The following NAALADL2 variants were observed in gnomAD, a reference collection of about 807,000 sequenced individuals.
NAALADL2 encodes inactive N-acetylated-alpha-linked acidic dipeptidase-like protein 2.
A neutral mutation model predicts 87.2 loss-of-function variants in NAALADL2; 76 were observed. The observed-to-expected ratio is 0.87, with a 90% confidence interval of 0.72 to 1.05. NAALADL2 has a LOEUF of 1.05. NAALADL2 is among the 50% of genes least tolerant of loss of function. NAALADL2 has a pLI of 0.00. For missense variants in NAALADL2, 1,089 were observed against 945.8 expected, an observed-to-expected ratio of 1.15 and a Z score of -1.99; for synonymous variants, 354 against 331.0, an observed-to-expected ratio of 1.07 and a Z score of -0.75.
At chr3:175,779,889 C>T (rs567302392) in intron 13 of NAALADL2, among the ~76,000 whole-genome samples, 2 of 152,118 alleles carry the variant, frequency 1.3e-5, no homozygotes, top group Admixed American at 1.3e-4. Flanking sequence ...GATTTTTATT[C>T]CTATCACATG....
At chr3:174,932,349 C>A (rs1009924423) in intron 1 of NAALADL2, among the ~76,000 whole-genome samples, 1 of 152,174 alleles carries the variant, frequency 6.6e-6, no homozygotes. Context: ...ATCAAGACAT[C>A]AACAACAGCA....
intron 11 of NAALADL2, among the ~76,000 whole-genome samples, chr3:175,693,820 T>A (rs1049959076): frequency 1.3e-5 from 2 of 152,004 alleles, no homozygotes; most frequent in South Asian, 2.1e-4. Flanking sequence ...TGCCTCAGCC[T>A]CCCAAGTAGC....
At chr3:174,841,496 T>C (rs1357620942) in intron 3 of NAALADL2, among the ~76,000 whole-genome samples, 1 of 152,176 alleles carries the variant, frequency 6.6e-6, no homozygotes, top group East Asian at 1.9e-4. Flanking sequence ...CATTATTTTT[T>C]CCTTTTTCGA....
rs568909174 is a variant in NAALADL2 at position 174,974,318 on chromosome 3, T to G, written c.43+114868T>G. Among the ~76,000 whole-genome samples the G allele has an allele frequency of 1.1e-3, 160 of 152,334 alleles. 2 individuals are homozygous for G. Among genetic ancestry groups the G allele is most frequent in the African/African-American group, 3.7e-3 (153 of 41,592 alleles). ...AACTCTATGACTTTTAGAGTGAGACTTATACAATTTTCTTTTAATTGTTTT... is the reference window on the plus strand; with the variant it reads ...AACTCTATGACTTTTAGAGTGAGACGTATACAATTTTCTTTTAATTGTTTT... On this transcript the variant is annotated intron_variant, in intron 1 of 13. Coordinates refer to ENST00000454872, the MANE Select transcript of NAALADL2 (RefSeq NM_207015.3).
intron 1 of NAALADL2, among the ~76,000 whole-genome samples, chr3:175,069,260 C>T (rs1406133135): frequency 5.3e-5 from 8 of 149,818 alleles, no homozygotes; most frequent in Middle Eastern, 3.4e-3. Context: ...GCAACCTACT[C>T]ATCTGACAAA....
intron 9 of NAALADL2, among the ~76,000 whole-genome samples, chr3:175,571,736 T>C (rs1718109673): frequency 6.6e-6 from 1 of 152,154 alleles, no homozygotes; most frequent in African/African-American, 2.4e-5. Flanking sequence ...GAGAATAGTG[T>C]TTCTATGCCA....
chr3:174,756,699 G>A (rs924910304), intron 3 of NAALADL2, among the ~76,000 whole-genome samples: 2 of 152,156 alleles, frequency 1.3e-5, no homozygotes, highest in Admixed American at 6.5e-5. Context: ...AGAGAAGTAG[G>A]TGAATTTTGA....
intron 1 of NAALADL2, among the ~76,000 whole-genome samples, chr3:174,957,867 G>A (rs901139161): frequency 6.6e-6 from 1 of 151,918 alleles, no homozygotes; most frequent in Non-Finnish European, 1.5e-5. Flanking sequence ...AGGAAGACCA[G>A]GATTCCATTT....
chr3:174,517,491 G>T (rs1300515572), intron 1 of NAALADL2, among the ~76,000 whole-genome samples: 1 of 151,936 alleles, frequency 6.6e-6, no homozygotes, highest in Non-Finnish European at 1.5e-5. Flanking sequence ...TTGGTATTCT[G>T]TTCTTTCTCT....
At chr3:175,309,747 A>G (rs534656479) in intron 4 of NAALADL2, among the ~76,000 whole-genome samples, 1 of 152,292 alleles carries the variant, frequency 6.6e-6, no homozygotes, top group East Asian at 1.9e-4. Flanking sequence ...TTAATAATAA[A>G]ATAAGGAGGA....
intron 1 of NAALADL2, among the ~76,000 whole-genome samples, chr3:174,947,222 C>G (rs896389376): frequency 3.3e-5 from 5 of 152,122 alleles, no homozygotes; most frequent in Admixed American, 3.3e-4. Context: ...AAAAGCAACT[C>G]TCAGCATTGT....
intron 10 of NAALADL2, among the ~76,000 whole-genome samples, chr3:175,601,009 C>T (rs949598562): frequency 1.3e-5 from 2 of 152,094 alleles, no homozygotes; most frequent in South Asian, 2.1e-4. Flanking sequence ...TTTAGTCTTT[C>T]CATCTGCATT....
intron 5 of NAALADL2, among the ~76,000 whole-genome samples, chr3:175,444,897 TATA>T (rs756832746): frequency 3.4e-4 from 52 of 152,124 alleles, no homozygotes; most frequent in Non-Finnish European, 7.1e-4. Context: ...CCAAACCAAA[TATA>T]ATATTTTAGC....
chr3:175,802,597 T>C (rs995460173), intron 13 of NAALADL2, among the ~76,000 whole-genome samples: 8 of 152,104 alleles, frequency 5.3e-5, no homozygotes, highest in Non-Finnish European at 1.2e-4. Flanking sequence ...CTGGGTCATT[T>C]GTCTTATAAA....
intron 1 of NAALADL2, among the ~76,000 whole-genome samples, chr3:174,876,222 G>A (rs938081021): frequency 2.6e-5 from 4 of 152,044 alleles, no homozygotes; most frequent in Non-Finnish European, 4.4e-5. Context: ...AAAGGATAGC[G>A]AATAGGATCT....
At chr3:175,086,598 C>T (rs11917499) in intron 1 of NAALADL2, among the ~76,000 whole-genome samples, 35,610 of 151,892 alleles carry the variant, frequency 0.23, 4,260 homozygotes, top group East Asian at 0.33. Flanking sequence ...AATTTCTTTG[C>T]GGCTCTTACA....
intron 5 of NAALADL2, among the ~76,000 whole-genome samples, chr3:175,342,390 C>T (rs1762650902): frequency 6.6e-6 from 1 of 152,000 alleles, no homozygotes; most frequent in South Asian, 2.1e-4. Flanking sequence ...CACAAAGCAT[C>T]TGATCCTTAG....
chr3:175,572,109 G>A (rs577269997), intron 9 of NAALADL2, among the ~76,000 whole-genome samples: 1 of 152,148 alleles, frequency 6.6e-6, no homozygotes, highest in African/African-American at 2.4e-5. Flanking sequence ...TTCAGTAGGT[G>A]AGAAACAAGC....
At chr3:175,202,890 G>T (rs1335980048) in intron 2 of NAALADL2, among the ~76,000 whole-genome samples, 1 of 151,972 alleles carries the variant, frequency 6.6e-6, no homozygotes, top group Non-Finnish European at 1.5e-5. Context: ...AGGTTGTCAG[G>T]GAAGTGGGGG....
Sources: gnomAD v4.1 joint callset for allele counts (sites outside exome capture counted in the v4.1 genomes callset) on GRCh38, gnomAD v4.1.1 for gene constraint, MANE v1.5 for transcripts, NCBI Gene and HGNC (gene_info 2026-07-23, HGNC 2026-07-21) for gene names.